Variants in RGS7 observed in about 807,000 individuals in gnomAD.
RGS7 encodes regulator of G protein signaling 7, also known as regulator of G-protein signaling 7.
In RGS7, 27 loss-of-function variants were observed where a neutral mutation model predicts 81.1. The ratio of observed to expected loss-of-function variants is 0.33; its 90% confidence interval spans 0.25 to 0.46. RGS7 has a LOEUF of 0.46. RGS7 is among the 20% of genes least tolerant of loss of function. The probability of loss-of-function intolerance (pLI) is 1.00; values close to 1 mark genes in which losing one functional copy is unlikely to be tolerated. For synonymous variants in RGS7, 208 were observed against 207.7 expected (o/e 1.00, Z -0.01); for missense variants, 396 against 607.4 (o/e 0.65, Z 3.66).
intron 18 of RGS7, among the ~76,000 whole-genome samples, chr1:240,783,461 T>TA (rs904357004): frequency 0.01 from 1,352 of 132,692 alleles, 15 homozygotes; most frequent in South Asian, 0.029. Flanking sequence ...ATCTCTACTT[T>TA]AAAAAAAAAA....
intron 2 of RGS7, among the ~76,000 whole-genome samples, chr1:241,267,864 T>A (rs932735390): frequency 6.6e-6 from 1 of 152,254 alleles, no homozygotes; most frequent in Non-Finnish European, 1.5e-5. Context: ...AAGCATTCTT[T>A]TTTTCTATAC....
At position 240,850,543 on chromosome 1, in the gene RGS7, A is replaced by G. The variant is rs186711913; in HGVS notation, c.609+18044T>C. Among the ~76,000 whole-genome samples, 565 of 152,258 alleles carry G rather than the reference A, an allele frequency of 3.7e-3. 7 individuals carry two copies. Among genetic ancestry groups the G allele is most frequent in the African/African-American group, 0.012 (517 of 41,540 alleles). On this transcript the variant is annotated intron_variant, in intron 9 of 18. Coordinates refer to ENST00000440928, the MANE Select transcript of RGS7 (RefSeq NM_001364886.1). The stretch of plus-strand genomic sequence containing the variant: ...CAATATCAACATCAGGCCAATAATA[A>G]CCCTACAATGACTTCTAAGTGTTCA...
At chr1:240,803,030 T>G (rs574679475) in intron 15 of RGS7, 37 bp from the exon 16 acceptor site, 1 of 1,428,398 alleles carries the variant, frequency 7.0e-7, no homozygotes, top group Admixed American at 1.7e-5. Context: ...TTCTTTATGA[T>G]TTCTTGGGAA....
At chr1:240,942,276 G>T (rs566008392) in intron 4 of RGS7, among the ~76,000 whole-genome samples, 8 of 152,312 alleles carry the variant, frequency 5.3e-5, no homozygotes, top group Admixed American at 6.5e-5. Flanking sequence ...CTCCAGGGGT[G>T]CAATCGGTTA....
At chr1:241,093,631 AT>A (rs1485527163) in intron 3 of RGS7, among the ~76,000 whole-genome samples, 21 of 152,330 alleles carry the variant, frequency 1.4e-4, no homozygotes, top group African/African-American at 5.0e-4. Flanking sequence ...AGGGGAAAAA[AT>A]AAATAAAATA....
intron 9 of RGS7, among the ~76,000 whole-genome samples, chr1:240,855,675 A>T (rs1051259120): frequency 6.6e-6 from 1 of 152,136 alleles, no homozygotes; most frequent in Non-Finnish European, 1.5e-5. Flanking sequence ...TGCGATTTCA[A>T]ATGTTAGCTA....
chr1:241,306,944 A>C (rs1429623665), intron 2 of RGS7, among the ~76,000 whole-genome samples: 1 of 152,234 alleles, frequency 6.6e-6, no homozygotes, highest in Non-Finnish European at 1.5e-5. Flanking sequence ...TCACACTAAC[A>C]ACCAGGTAAT....
chr1:241,355,844 G>C lies in RGS7; in HGVS notation c.-50-18C>G. 1 of 1,322,326 alleles carries C rather than the reference G, an allele frequency of 7.6e-7. No homozygotes were observed. Among genetic ancestry groups the C allele is most frequent in the Non-Finnish European group, 1.1e-6 (1 of 914,386 alleles). 81.9% of individuals were successfully genotyped at this position (1,322,326 alleles called of 1,614,324 possible). ...AGTGTGCCCTGCAAAGGGTCAGAGA[G>C]ACTTCAGTGAGATCCCAGTGGGACT... On this transcript the variant is annotated intron_variant, in intron 1 of 18. Transcript: ENST00000440928.
chr1:240,898,538 G>A (rs1481554245), intron 6 of RGS7, among the ~76,000 whole-genome samples: 2 of 152,080 alleles, frequency 1.3e-5, no homozygotes, highest in African/African-American at 4.8e-5. Context: ...ATTTTGTTAT[G>A]TACCCAGTAG....
At position 241,100,803 on chromosome 1, in the gene RGS7, GC is replaced by G. The variant is rs569059341; in HGVS notation, c.79-2042del. On this transcript the variant is annotated intron_variant, in intron 2 of 18. Coordinates refer to ENST00000440928, the MANE Select transcript of RGS7 (RefSeq NM_001364886.1). ...AACAAATATTAGACCAAATGTCCAT[GC>G]ACACCCACGATATCTGGGGATGCTT... Among the ~76,000 whole-genome samples the G allele has an allele frequency of 2.0e-5, 3 of 152,324 alleles. No homozygotes were observed. In the South Asian group the frequency reaches 6.2e-4, roughly 32 times the overall value.
intron 3 of RGS7, among the ~76,000 whole-genome samples, chr1:241,046,955 C>T (rs4660027): frequency 6.6e-6 from 1 of 151,822 alleles, no homozygotes; most frequent in African/African-American, 2.4e-5. Flanking sequence ...TAGAGTGAAG[C>T]GAAATGCCAG....
At chr1:241,069,452 G>A (rs1313008177) in intron 3 of RGS7, among the ~76,000 whole-genome samples, 1 of 151,856 alleles carries the variant, frequency 6.6e-6, no homozygotes, top group Non-Finnish European at 1.5e-5. Context: ...AATTTTAAGT[G>A]GAACCATTTA....
intron 10 of RGS7, among the ~76,000 whole-genome samples, chr1:240,820,609 T>A (rs1691600752): frequency 6.6e-6 from 1 of 152,112 alleles, no homozygotes; most frequent in South Asian, 2.1e-4. Flanking sequence ...GAAGCCCTTG[T>A]GAATGGGATT....
At chr1:241,342,192 T>C (rs2082605018) in intron 2 of RGS7, among the ~76,000 whole-genome samples, 1 of 152,022 alleles carries the variant, frequency 6.6e-6, no homozygotes, top group South Asian at 2.1e-4. Flanking sequence ...TCTTCAAGTC[T>C]TATACTGCCT....
rs1240355349 is a variant in RGS7, at chr1:240,986,734, C to T, written c.176-3605G>A. 9.9e-5 allele frequency among the ~76,000 whole-genome samples: 2 copies of T among 20,190 alleles called. 1 individual carries two copies. 13.2% of individuals were successfully genotyped at this position (20,190 alleles called of 152,430 possible). ...AGTAGCTGGGACTACAGGCGCCCGC[C>T]ACCTCGCCCGGCTAATTTTTTGTAT... On this transcript the variant is annotated intron_variant, in intron 3 of 18. Transcript: ENST00000440928.
rs371463884 is a variant in RGS7, at chr1:241,237,517, T to TA, written c.78+118181dup. Among the ~76,000 whole-genome samples, 19 of 149,790 alleles carry TA rather than the reference T, an allele frequency of 1.3e-4. No homozygotes were observed. In the East Asian group the frequency reaches 2.3e-3, roughly 18 times the overall value. On this transcript the variant is annotated intron_variant, in intron 2 of 18. Transcript: ENST00000440928. ...TATATTAACAAGCATATTTTACACT[T>TA]AAAAAAAAAATTAACCACAGAAACT... is the stretch of plus-strand genomic sequence containing the variant.
Position 240,868,694 on chromosome 1 carries a change from C to T in RGS7, c.528-26G>A. On this transcript the variant is annotated intron_variant, in intron 8 of 18. Coordinates refer to ENST00000440928, the MANE Select transcript of RGS7 (RefSeq NM_001364886.1). The surrounding 1 kb of genome is among the most constrained non-coding windows in gnomAD (Gnocchi z 5.1). The stretch of plus-strand genomic sequence containing the variant: ...CTGTCAACACAGTAACAATAGATAA[C>T]ATTTAGTATTAATTGTAGTGCCTCT... The T allele has an allele frequency of 2.5e-6, 4 of 1,610,292 alleles. No individual in the cohort carries two copies. The highest frequency in any genetic ancestry group is 3.4e-6 in the Non-Finnish European group (4 of 1,176,516).
chr1:241,275,646 A>T (rs2078155157), intron 2 of RGS7, among the ~76,000 whole-genome samples: 1 of 152,216 alleles, frequency 6.6e-6, no homozygotes, highest in Admixed American at 6.5e-5. Context: ...ATATTTATTC[A>T]TATAAGCATG....
intron 2 of RGS7, among the ~76,000 whole-genome samples, chr1:241,126,933 C>T (rs1034187137): frequency 7.2e-5 from 11 of 152,072 alleles, no homozygotes; most frequent in South Asian, 6.2e-4. Context: ...TCTTTCCTTC[C>T]TTCCTTCATT....
Sources: gnomAD v4.1 joint callset for allele counts (sites outside exome capture counted in the v4.1 genomes callset) on GRCh38, gnomAD v4.1.1 for gene constraint, Gnocchi (gnomAD v3.1) non-coding constraint, MANE v1.5 for transcripts, NCBI Gene and HGNC (gene_info 2026-07-23, HGNC 2026-07-21) for gene names.